The following ITGB5 variants were observed in gnomAD, a reference collection of about 807,000 sequenced individuals.
The protein encoded by ITGB5 is integrin subunit beta 5.
In ITGB5, 38 loss-of-function variants were observed where a neutral mutation model predicts 84.8. The ratio of observed to expected loss-of-function variants is 0.45; its 90% CI spans 0.35 to 0.59. ITGB5 has a LOEUF of 0.59. Ranked by LOEUF, ITGB5 falls within the 20% of genes least tolerant of loss-of-function variation. The pLI is 0.01. For missense variants in ITGB5, 905 were observed against 1,034.5 expected, an observed-to-expected ratio of 0.87 and a Z score of 1.72; for synonymous variants, 393 against 414.4, an observed-to-expected ratio of 0.95 and a Z score of 0.63.
chr3:124,780,838 C>T (rs3772827), intron 10 of ITGB5: 12,571 of 152,570 alleles, frequency 0.082, 1,145 homozygotes, highest in African/African-American at 0.22. Context: ...GGAAGTGGCT[C>T]AAAGACATAG....
chr3:124,824,031 T>A (rs2064747361), intron 5 of ITGB5, among the ~76,000 whole-genome samples: 1 of 152,174 alleles, frequency 6.6e-6, no homozygotes, highest in Non-Finnish European at 1.5e-5. Context: ...TTTATAGATT[T>A]GACACAATCA....
chr3:124,891,147 G>T (rs1009780035), upstream of ITGB5, among the ~76,000 whole-genome samples: 1 of 152,146 alleles, frequency 6.6e-6, no homozygotes, highest in Admixed American at 6.5e-5. Context: ...CTTATTGTTA[G>T]TTTTAAACTA....
intron 10 of ITGB5, among the ~76,000 whole-genome samples, chr3:124,790,555 G>A (rs963854236): frequency 1.3e-5 from 2 of 152,156 alleles, no homozygotes; most frequent in East Asian, 1.9e-4. Context: ...AACTGCCTTT[G>A]ACTAGACAGG....
chr3:124,867,242 G>A (rs1026801677), intron 2 of ITGB5, among the ~76,000 whole-genome samples: 6 of 151,434 alleles, frequency 4.0e-5, no homozygotes, highest in African/African-American at 1.2e-4. Context: ...TCCCATGCCC[G>A]ACCCCATTTC....
intron 1 of ITGB5, among the ~76,000 whole-genome samples, chr3:124,885,428 A>G (rs1385792534): frequency 2.0e-5 from 3 of 152,352 alleles, no homozygotes; most frequent in Non-Finnish European, 4.4e-5. Flanking sequence ...ACAAAACAAA[A>G]GAAACAAACA....
At chr3:124,779,463 A>G (rs762632735) in intron 10 of ITGB5, among the ~76,000 whole-genome samples, 2 of 152,146 alleles carry the variant, frequency 1.3e-5, no homozygotes, top group Non-Finnish European at 2.9e-5. Flanking sequence ...CAACAGACCC[A>G]GGAGAAGGAG....
chr3:124,813,463 A>T (rs1267960851), intron 8 of ITGB5, among the ~76,000 whole-genome samples: 2 of 152,192 alleles, frequency 1.3e-5, no homozygotes, highest in Admixed American at 1.3e-4. Flanking sequence ...CCCACCGCAG[A>T]TGCCAATCAC....
intron 1 of ITGB5, among the ~76,000 whole-genome samples, chr3:124,882,586 G>A (rs1016956455): frequency 6.6e-6 from 1 of 152,204 alleles, no homozygotes; most frequent in South Asian, 2.1e-4. Flanking sequence ...AAGTGGTGAA[G>A]GAAAGTCAGA....
chr3:124,792,503 G>A (rs2064163311), intron 10 of ITGB5: 1 of 152,270 alleles, frequency 6.6e-6, no homozygotes, highest in Non-Finnish European at 1.5e-5. Flanking sequence ...TGGTTTCCCA[G>A]ATGGTCCAAA....
intron 2 of ITGB5, among the ~76,000 whole-genome samples, chr3:124,869,068 T>C (rs1274109233): frequency 2.0e-5 from 3 of 152,168 alleles, no homozygotes; most frequent in Non-Finnish European, 2.9e-5. Flanking sequence ...TAAGTCTTCA[T>C]GGGATCTGGA....
rs1443354545 is a variant in ITGB5, at chr3:124,845,709, A to T, written c.611+2600T>A. On this transcript the variant is annotated intron_variant, in intron 4 of 14. Coordinates refer to ENST00000296181, the MANE Select transcript of ITGB5 (RefSeq NM_002213.5). The stretch of plus-strand genomic sequence containing the variant: ...GCCCTTGATTCTCTGCCAGCTTCCA[A>T]TCTAGTGTCTCGGTCAGTGGAAGGG... 2.6e-5 allele frequency among the ~76,000 whole-genome samples: 4 copies of T among 152,186 alleles called. No individual in the cohort carries two copies. The East Asian group carries it at 7.7e-4, about 29-fold the overall frequency.
chr3:124,808,119 T>C lies in ITGB5; in HGVS notation c.1263+903A>G, dbSNP rs56753407. ...AGACTGTCCCTGTCTCCGCAAGCTC[T>C]TTCCCTGAAGCCAGGGGGATGAGTC... On this transcript the variant is annotated intron_variant, in intron 9 of 14. Coordinates refer to ENST00000296181, the MANE Select transcript of ITGB5 (RefSeq NM_002213.5). Among the ~76,000 whole-genome samples, 443 of 152,244 alleles carry C rather than the reference T, an allele frequency of 2.9e-3. 2 individuals are homozygous for C. Among genetic ancestry groups the C allele is most frequent in the African/African-American group, 0.01 (429 of 41,528 alleles).
In ITGB5 at chr3:124,762,567, C is replaced by G. The variant is rs538997910; in HGVS notation, c.*1056G>C. ...GGGCCTGCATGGGACGTAAGTGTTT[C>G]GGGAGTGAGGGGAGGCCTTGGAAGG... is the stretch of plus-strand genomic sequence containing the variant. On this transcript the variant is annotated 3_prime_UTR_variant, in exon 15 of 15. Coordinates refer to ENST00000296181, the MANE Select transcript of ITGB5 (RefSeq NM_002213.5). 7 of 152,130 alleles carry G rather than the reference C, an allele frequency of 4.6e-5. No individual in the cohort carries two copies. The highest frequency in any genetic ancestry group is 1.7e-4 in the African/African-American group (7 of 41,432). The allele number at this position is 152,130 out of a possible 1,614,324, so 9.4% of individuals were successfully genotyped here.
intron 10 of ITGB5, among the ~76,000 whole-genome samples, chr3:124,794,488 A>G (rs2064192132): frequency 1.3e-5 from 2 of 152,208 alleles, no homozygotes; most frequent in African/African-American, 4.8e-5. Flanking sequence ...GTTTAACAGA[A>G]CGAAAAGGTG....
chr3:124,821,699 C>T (rs955554244), intron 5 of ITGB5, among the ~76,000 whole-genome samples: 2 of 152,234 alleles, frequency 1.3e-5, no homozygotes, highest in Admixed American at 1.3e-4. Flanking sequence ...GACAAATGTC[C>T]AAGTCTTTGC....
chr3:124,848,376 A>C lies in ITGB5; in HGVS notation c.544T>G (p.Phe182Val). The C allele has an allele frequency of 6.2e-7, 1 of 1,614,106 alleles. No homozygotes were observed. Among genetic ancestry groups the C allele is most frequent in the Non-Finnish European group, 8.5e-7 (1 of 1,180,028 alleles). ...AAAGGAGAGATGTCCTTATCAACAA[A>C]AGACCCAAATCCCAACCGGAAGTTG... is the stretch of plus-strand genomic sequence containing the variant. ...TSNFRLGFGSFVDKDISPFSY... is the reference protein window; with the variant it reads ...TSNFRLGFGSVVDKDISPFSY... The change falls in exon 4 of 15, where the codon TTT becomes GTT. Residue 182 changes from phenylalanine to valine, a missense_variant. This residue lies in a region of ITGB5 where 656 missense variants were observed against 734.7 expected (regional missense o/e 0.89). Coordinates refer to ENST00000296181, the MANE Select transcript of ITGB5 (RefSeq NM_002213.5).
chr3:124,840,864 C>T (rs61760572), intron 5 of ITGB5, among the ~76,000 whole-genome samples: 3,511 of 152,078 alleles, frequency 0.023, 57 homozygotes, highest in Non-Finnish European at 0.034. Context: ...CAGGGTTTCA[C>T]TATGTTGGCC....
At chr3:124,881,865 G>A (rs889998745) in intron 1 of ITGB5, among the ~76,000 whole-genome samples, 1 of 152,202 alleles carries the variant, frequency 6.6e-6, no homozygotes, top group Non-Finnish European at 1.5e-5. Context: ...CTACTCGGGA[G>A]GCTGAGGCAG....
At chr3:124,875,954 A>G (rs1027569351) in intron 1 of ITGB5, among the ~76,000 whole-genome samples, 3 of 152,296 alleles carry the variant, frequency 2.0e-5, no homozygotes, top group African/African-American at 7.2e-5. Context: ...ACTCAGAAAT[A>G]CGGAGAGTAA....
Sources: allele counts gnomAD v4.1 joint callset (sites outside exome capture counted in the v4.1 genomes callset), GRCh38; gene constraint gnomAD v4.1.1; regional missense constraint gnomAD v4.1.1; transcripts MANE v1.5; gene names NCBI Gene and HGNC (gene_info 2026-07-23, HGNC 2026-07-21).